NETO2: variants seen among roughly 807,000 people sequenced by gnomAD.
The protein encoded by NETO2 is neuropilin and tolloid like 2.
A neutral mutation model predicts 62.5 loss-of-function variants in NETO2; 28 were observed. The ratio of observed to expected loss-of-function variants is 0.45; its 90% CI spans 0.33 to 0.61. The LOEUF (loss-of-function observed/expected upper bound fraction) is 0.61, where lower values mean the gene tolerates loss of function less well. NETO2 is among the 20% of genes least tolerant of loss of function. The pLI is 0.02. For missense variants in NETO2, 548 were observed against 643.2 expected (o/e 0.85, Z 1.60); for synonymous variants, 214 against 219.1 (o/e 0.98, Z 0.21).
Position 47,131,965 on chromosome 16 carries a change from T to C in NETO2, c.91+4A>G. 6.2e-7 allele frequency: 1 copy of C among 1,611,342 alleles called. No individual in the cohort carries two copies. The highest frequency in any genetic ancestry group is 1.7e-4 in the Middle Eastern group (1 of 6,048). On this transcript the variant is annotated splice_donor_region_variant and intron_variant, in intron 2 of 8. Transcript: ENST00000562435. ...GCAGTAAGTCACCAATGTAAGTACT[T>C]TACCTTGGGTTTTTTGGGCCACGGC... is the stretch of plus-strand genomic sequence containing the variant.
chr16:47,119,498 G>C (rs1183856358), intron 6 of NETO2, among the ~76,000 whole-genome samples: 1 of 150,908 alleles, frequency 6.6e-6, no homozygotes, highest in Non-Finnish European at 1.5e-5. Context: ...AAGTCTGCCT[G>C]TTGTTACCTT....
At chr16:47,085,876 TG>T (rs1963178390) in intron 8 of NETO2, among the ~76,000 whole-genome samples, 1 of 151,464 alleles carries the variant, frequency 6.6e-6, no homozygotes, top group Non-Finnish European at 1.5e-5. Flanking sequence ...GAGGCCGAGG[TG>T]GGCAGATCAT....
chr16:47,089,076 C>T (rs1377573079), intron 7 of NETO2, among the ~76,000 whole-genome samples: 1 of 152,186 alleles, frequency 6.6e-6, no homozygotes, highest in East Asian at 1.9e-4. Flanking sequence ...GTTCATTTAT[C>T]CCTTCCCCCT....
chr16:47,139,827 C>A (rs536841947), intron 1 of NETO2, among the ~76,000 whole-genome samples: 1 of 152,276 alleles, frequency 6.6e-6, no homozygotes, highest in East Asian at 1.9e-4. Flanking sequence ...CCTCCTTAGT[C>A]GAGCTGATCT....
In NETO2 at chr16:47,083,525, A is replaced by G; in HGVS notation, c.1274T>C (p.Met425Thr). Residue 425 changes from methionine to threonine, a missense_variant, in exon 9 of 9, where the codon ATG becomes ACG. Transcript: ENST00000562435. ...GCGGGAGGCGGTGGAGGAGCGCCGC[A>G]TCTTCTGGTAGTTGTCCAATTCTTC... ...LSEELDNYQKMRRSSTASRCI... is the reference protein window; with the variant it reads ...LSEELDNYQKTRRSSTASRCI... The G allele has an allele frequency of 6.2e-7, 1 of 1,614,218 alleles. No individual in the cohort carries two copies. Among genetic ancestry groups the G allele is most frequent in the Non-Finnish European group, 8.5e-7 (1 of 1,180,044 alleles).
chr16:47,131,017 T>C (rs1289100552), intron 2 of NETO2, among the ~76,000 whole-genome samples: 1 of 147,890 alleles, frequency 6.8e-6, no homozygotes, highest in Non-Finnish European at 1.5e-5. Flanking sequence ...AATAATAGAA[T>C]TCCTGAAAAG....
intron 7 of NETO2, among the ~76,000 whole-genome samples, chr16:47,108,232 A>G (rs1336521960): frequency 6.6e-6 from 1 of 152,248 alleles, no homozygotes; most frequent in Non-Finnish European, 1.5e-5. Flanking sequence ...TATGATGGAA[A>G]TGGAAAATCA....
chr16:47,109,855 G>A (rs1963755901), intron 6 of NETO2, 144 bp from the exon 7 acceptor site: 3 of 609,952 alleles, frequency 4.9e-6, no homozygotes, highest in Non-Finnish European at 8.6e-6. Flanking sequence ...CCTAAATAGT[G>A]AGAGGAACTA....
chr16:47,094,673 G>T (rs527446758), intron 7 of NETO2, among the ~76,000 whole-genome samples: 1 of 151,284 alleles, frequency 6.6e-6, no homozygotes, highest in African/African-American at 2.4e-5. Flanking sequence ...TGATCTGCCC[G>T]CCTTGGCCTC....
At chr16:47,106,522 C>A (rs1963679011) in intron 7 of NETO2, among the ~76,000 whole-genome samples, 1 of 152,020 alleles carries the variant, frequency 6.6e-6, no homozygotes, top group Admixed American at 6.5e-5. Context: ...TTGGCAATAT[C>A]TAACGAAATT....
rs1266656703 is a variant in NETO2, at chr16:47,128,377, A to G, written c.429T>C (p.Ser143=). The stretch of plus-strand genomic sequence containing the variant: ...ATCCCAGTCCTTCAAGCTCTTCATC[A>G]GAACTAAACTTAATCCACATGAATC... The part of the protein sequence containing the change: ...TGRFMWIKFS[S]DEELEGLGFR... The change falls in exon 4 of 9, where the codon TCT becomes TCC. Residue 143 remains serine, a synonymous_variant. Coordinates refer to ENST00000562435, the MANE Select transcript of NETO2 (RefSeq NM_018092.5). 6.2e-7 allele frequency: 1 copy of G among 1,614,088 alleles called. No individual in the cohort carries two copies. The highest frequency in any genetic ancestry group is 2.2e-5 in the East Asian group (1 of 44,862).
At chr16:47,091,848 AT>A (rs1008463449) in intron 7 of NETO2, among the ~76,000 whole-genome samples, 21 of 148,576 alleles carry the variant, frequency 1.4e-4, no homozygotes, top group Admixed American at 8.7e-4. Flanking sequence ...CTGCATTTTT[AT>A]TTTTTTTTTG....
At chr16:47,136,913 C>G (rs1964371019) in intron 1 of NETO2, among the ~76,000 whole-genome samples, 1 of 151,542 alleles carries the variant, frequency 6.6e-6, no homozygotes, top group South Asian at 2.1e-4. Context: ...TTACTAACGA[C>G]AGACACATAA....
At chr16:47,098,901 G>C (rs775826875) in intron 7 of NETO2, among the ~76,000 whole-genome samples, 11 of 152,206 alleles carry the variant, frequency 7.2e-5, no homozygotes, top group African/African-American at 2.6e-4. Context: ...TGTATGTGAC[G>C]GAGTCTCGCT....
chr16:47,113,181 T>C (rs766214443), intron 6 of NETO2, among the ~76,000 whole-genome samples: 2 of 152,230 alleles, frequency 1.3e-5, no homozygotes, highest in African/African-American at 4.8e-5. Flanking sequence ...CTCTCCAAAG[T>C]GGTTGTACCA....
chr16:47,091,848 A>AT (rs1008463449), intron 7 of NETO2, among the ~76,000 whole-genome samples: 23 of 148,672 alleles, frequency 1.5e-4, no homozygotes, highest in East Asian at 5.9e-4. Context: ...CTGCATTTTT[A>AT]TTTTTTTTTT....
intron 2 of NETO2, 44 bp from the exon 3 acceptor site, chr16:47,129,408 G>C: frequency 1.9e-6 from 3 of 1,593,298 alleles, no homozygotes; most frequent in Non-Finnish European, 2.6e-6. Context: ...CAGCAAAAGA[G>C]AATCATTCTT....
At position 47,078,372 on chromosome 16, in the gene NETO2, T is replaced by A. The variant is rs1963012150; in HGVS notation, c.*4849A>T. ...AAATTCTTTTCTATAAAATGCCAAA[T>A]CTAGGATTAAGCATATTCTCATATG... On this transcript the variant is annotated 3_prime_UTR_variant, in exon 9 of 9. Coordinates refer to ENST00000562435, the MANE Select transcript of NETO2 (RefSeq NM_018092.5). The A allele has an allele frequency of 6.6e-6, 1 of 152,206 alleles. No homozygotes were observed. Among genetic ancestry groups the A allele is most frequent in the Admixed American group, 6.5e-5 (1 of 15,282 alleles). The allele number at this position is 152,206 out of a possible 1,614,324, so 9.4% of individuals were successfully genotyped here.
intron 1 of NETO2, among the ~76,000 whole-genome samples, chr16:47,142,575 T>A (rs1596757842): frequency 6.6e-6 from 1 of 152,130 alleles, no homozygotes; most frequent in Non-Finnish European, 1.5e-5. Context: ...TCGAAATTTT[T>A]AAAAAAAGAA....
Sources: allele counts gnomAD v4.1 joint callset (sites outside exome capture counted in the v4.1 genomes callset), GRCh38; gene constraint gnomAD v4.1.1; transcripts MANE v1.5; gene names NCBI Gene and HGNC (gene_info 2026-07-23, HGNC 2026-07-21).